The following NTRK3 variants were observed in gnomAD, a reference collection of about 807,000 sequenced individuals.
NTRK3 encodes the protein NT-3 growth factor receptor.
NTRK3 carries 24 observed loss-of-function variants against 91.7 expected under a neutral mutation model. That is an observed-to-expected ratio of 0.26 (90% CI 0.19 to 0.37). NTRK3 has a LOEUF of 0.37. Among genes scored for constraint, NTRK3 ranks in the 10% least tolerant of loss-of-function variants. The pLI is 1.00. For synonymous variants in NTRK3, 483 were observed against 404.0 expected (o/e 1.20, Z -2.34); for missense variants, 880 against 1,068.9 (o/e 0.82, Z 2.46).
At chr15:88,242,614 C>T (rs1001580566) in intron 3 of NTRK3, among the ~76,000 whole-genome samples, 5 of 152,206 alleles carry the variant, frequency 3.3e-5, no homozygotes, top group African/African-American at 1.2e-4. Flanking sequence ...TTTGTCAAGG[C>T]TGTGCCCCAG....
intron 5 of NTRK3, among the ~76,000 whole-genome samples, chr15:88,166,244 G>T (rs1306734672): frequency 1.3e-5 from 2 of 152,058 alleles, no homozygotes; most frequent in East Asian, 3.9e-4. Flanking sequence ...CACAATCCTC[G>T]TCCACTCTAG....
chr15:87,943,235 T>C (rs941220799), intron 14 of NTRK3, among the ~76,000 whole-genome samples: 25 of 152,028 alleles, frequency 1.6e-4, no homozygotes, highest in African/African-American at 4.3e-4. Flanking sequence ...GGGTGGGAAA[T>C]TAGCCAGCTG....
intron 15 of NTRK3, among the ~76,000 whole-genome samples, chr15:87,933,736 TG>T (rs1413207190): frequency 6.6e-6 from 1 of 152,220 alleles, no homozygotes; most frequent in African/African-American, 2.4e-5. Context: ...GTGAGCACTT[TG>T]ACCTCTGGAA....
chr15:87,979,162 G>A (rs925168682), intron 14 of NTRK3: 8 of 645,090 alleles, frequency 1.2e-5, no homozygotes, highest in African/African-American at 5.5e-5. Context: ...GGGCAACCCT[G>A]CCAGTGGTGG....
intron 5 of NTRK3, among the ~76,000 whole-genome samples, chr15:88,158,038 G>C (rs2044083789): frequency 1.3e-5 from 2 of 152,194 alleles, no homozygotes; most frequent in Non-Finnish European, 2.9e-5. Flanking sequence ...TCCTACCACT[G>C]CTGCCTCCAT....
intron 14 of NTRK3, among the ~76,000 whole-genome samples, chr15:88,026,021 C>T (rs893262270): frequency 6.6e-6 from 1 of 152,138 alleles, no homozygotes; most frequent in African/African-American, 2.4e-5. Flanking sequence ...CCTGTAATCC[C>T]AGCACTTTGG....
At chr15:87,998,478 T>C (rs542513105) in intron 14 of NTRK3, among the ~76,000 whole-genome samples, 148 of 152,352 alleles carry the variant, frequency 9.7e-4, no homozygotes, top group Non-Finnish European at 1.7e-3. Flanking sequence ...GTCTATACAG[T>C]GGCTGTTGTA....
intron 3 of NTRK3, among the ~76,000 whole-genome samples, chr15:88,200,244 G>A (rs1249162489): frequency 2.0e-5 from 3 of 152,218 alleles, no homozygotes; most frequent in Admixed American, 6.5e-5. Flanking sequence ...TCTTTACTCA[G>A]TGGGTTCAAC....
At position 87,896,353 on chromosome 15, in the gene NTRK3, C is replaced by A. The variant is rs1172281863; in HGVS notation, c.2134-15925G>T. Among the ~76,000 whole-genome samples, 7 of 151,926 alleles carry A rather than the reference C, an allele frequency of 4.6e-5. No individual in the cohort carries two copies. The East Asian group carries it at 1.4e-3, about 29-fold the overall frequency. ...GGGCGTGGTGGCGCACACCTGTAGT[C>A]CCAACTACTCAGGAGGCTGAGGCAG... is the stretch of plus-strand genomic sequence containing the variant. On this transcript the variant is annotated intron_variant, in intron 17 of 18. Transcript: ENST00000394480.
At chr15:87,947,936 C>T (rs1226254016) in intron 14 of NTRK3, among the ~76,000 whole-genome samples, 1 of 151,980 alleles carries the variant, frequency 6.6e-6, no homozygotes, top group Admixed American at 6.6e-5. Flanking sequence ...AGCTTTGAAC[C>T]TTTGAGGGGG....
chr15:88,243,536 G>GCACACACACA lies in NTRK3; in HGVS notation c.248+12360_248+12369dup, dbSNP rs4034771. On this transcript the variant is annotated intron_variant, in intron 3 of 18. Transcript: ENST00000394480. This position sits in a 1 kb window ranked among gnomAD's most constrained non-coding sequence, Gnocchi z 4.8. ...CACTTGATCCCATCCCCCATAGCAT[G>GCACACACACA]CACACACACACACACACACACACAC... Among the ~76,000 whole-genome samples, 47 of 145,982 alleles carry GCACACACACA rather than the reference G, an allele frequency of 3.2e-4. 1 individual carries two copies. Among genetic ancestry groups the GCACACACACA allele is most frequent in the African/African-American group, 1.1e-3 (44 of 38,496 alleles).
At chr15:88,149,888 GTTTTGCTCTA>G (rs1435879591) in intron 5 of NTRK3, among the ~76,000 whole-genome samples, 1 of 152,200 alleles carries the variant, frequency 6.6e-6, no homozygotes, top group African/African-American at 2.4e-5. Context: ...GAAATCTTCT[GTTTTGCTCTA>G]TTTTGCCTGG....
intron 13 of NTRK3, among the ~76,000 whole-genome samples, chr15:88,098,849 T>C (rs573460753): frequency 6.6e-6 from 1 of 152,268 alleles, no homozygotes; most frequent in East Asian, 1.9e-4. Context: ...AGAAACTCAG[T>C]AATCAAGAGA....
intron 17 of NTRK3, among the ~76,000 whole-genome samples, chr15:87,895,547 A>C (rs990749176): frequency 6.6e-6 from 1 of 152,194 alleles, no homozygotes; most frequent in Non-Finnish European, 1.5e-5. Context: ...TTTCCTTGCC[A>C]TACCTTGAAA....
At position 88,157,610 on chromosome 15, in the gene NTRK3, C is replaced by A. The variant is rs547948657; in HGVS notation, c.396-10207G>T. ...GTCAGCACAAACCTTCACGTCTCTG[C>A]GCTGAGGAGCACACTCAGAACCTCG... On this transcript the variant is annotated intron_variant, in intron 5 of 18. Coordinates refer to ENST00000394480, the Ensembl canonical transcript of NTRK3. Among the ~76,000 whole-genome samples, 9 of 152,166 alleles carry A rather than the reference C, an allele frequency of 5.9e-5. No individual in the cohort carries two copies. The South Asian group carries it at 1.9e-3, about 32-fold the overall frequency.
At chr15:88,076,354 T>C (rs2047543862) in intron 13 of NTRK3, among the ~76,000 whole-genome samples, 1 of 152,104 alleles carries the variant, frequency 6.6e-6, no homozygotes, top group Non-Finnish European at 1.5e-5. Context: ...ATGGGAATTA[T>C]AGGAGCCACA....
intron 5 of NTRK3, among the ~76,000 whole-genome samples, chr15:88,171,133 G>A (rs968778640): frequency 3.3e-5 from 5 of 152,194 alleles, no homozygotes; most frequent in African/African-American, 1.2e-4. Context: ...TCGGAGGAAG[G>A]GAGAGGGACT....
chr15:88,201,481 T>A (rs2048302158), intron 3 of NTRK3, among the ~76,000 whole-genome samples: 1 of 152,164 alleles, frequency 6.6e-6, no homozygotes, highest in African/African-American at 2.4e-5. Context: ...ATAATGGTAA[T>A]AAACTTCACA....
intron 14 of NTRK3, among the ~76,000 whole-genome samples, chr15:88,027,368 T>C (rs2078123462): frequency 6.6e-6 from 1 of 152,154 alleles, no homozygotes; most frequent in Non-Finnish European, 1.5e-5. Flanking sequence ...ATTTTCCTTT[T>C]CCTCTCTGTG....
Sources: gnomAD v4.1 joint callset for allele counts (sites outside exome capture counted in the v4.1 genomes callset) on GRCh38, gnomAD v4.1.1 for gene constraint, Gnocchi (gnomAD v3.1) non-coding constraint, MANE v1.5 for transcripts, NCBI Gene and HGNC (gene_info 2026-07-23, HGNC 2026-07-21) for gene names.